Variants in IL23R observed in about 807,000 individuals in gnomAD.
The protein encoded by IL23R is interleukin 23 receptor, also known as interleukin-23 receptor.
In IL23R, 34 loss-of-function variants were observed where a neutral mutation model predicts 56.9. The ratio of observed to expected loss-of-function variants is 0.60; its 90% CI spans 0.45 to 0.80. The LOEUF is 0.80. Ranked by LOEUF, IL23R falls within the 30% of genes least tolerant of loss-of-function variation. The pLI, the probability that IL23R is intolerant of heterozygous loss-of-function variation, is 0.00. For missense variants in IL23R, 635 were observed against 730.0 expected (o/e 0.87, Z 1.50); for synonymous variants, 230 against 249.2 (o/e 0.92, Z 0.73).
chr1:67,170,458 A>G (rs1221661776), intron 3 of IL23R, among the ~76,000 whole-genome samples: 1 of 152,142 alleles, frequency 6.6e-6, no homozygotes, highest in Non-Finnish European at 1.5e-5. Flanking sequence ...TTATTAATTT[A>G]TTTAAAAGCT....
intron 8 of IL23R, among the ~76,000 whole-genome samples, chr1:67,238,763 C>T (rs1651661559): frequency 6.6e-6 from 1 of 152,154 alleles, no homozygotes; most frequent in South Asian, 2.1e-4. Flanking sequence ...CTAATTAATG[C>T]CCAAGGGTGT....
intron 7 of IL23R, among the ~76,000 whole-genome samples, chr1:67,221,028 T>G (rs1278103873): frequency 6.6e-6 from 1 of 151,352 alleles, no homozygotes; most frequent in African/African-American, 2.4e-5. Context: ...GAACTTGTTT[T>G]GAAAAATATT....
Position 67,259,437 on chromosome 1 carries a change from C to A in IL23R, c.*309C>A, listed in dbSNP as rs10889677. On this transcript the variant is annotated 3_prime_UTR_variant, in exon 11 of 11. Transcript: ENST00000347310. ...TTTAATTTTAGCCATTCTTCTGCCT[C>A]ATTTCTTAAAATTAGAGAATTAAGG... 0.33 allele frequency: 117,361 copies of A among 360,760 alleles called. 22,575 individuals are homozygous for A. The highest frequency in any genetic ancestry group is 0.71 in the East Asian group (11,235 of 15,736). 22.3% of individuals were successfully genotyped at this position (360,760 alleles called of 1,614,324 possible). A position where few individuals can be genotyped will look rare whatever the true frequency, so the allele number is the denominator to read the frequency against.
At chr1:67,196,939 A>C (rs10489630) in intron 4 of IL23R, among the ~76,000 whole-genome samples, 62,715 of 152,072 alleles carry the variant, frequency 0.41, 13,139 homozygotes, top group Admixed American at 0.52. Flanking sequence ...TTTAGTTGTC[A>C]GTTTTCTATA....
intron 4 of IL23R, among the ~76,000 whole-genome samples, chr1:67,184,132 G>T (rs143731611): frequency 2.2e-4 from 34 of 152,246 alleles, no homozygotes; most frequent in African/African-American, 8.2e-4. Flanking sequence ...TACTCAGGAG[G>T]CTGAAGCAGG....
chr1:67,255,680 C>T (rs761378941), intron 9 of IL23R, among the ~76,000 whole-genome samples, 157 bp from the exon 10 acceptor site: 1 of 152,122 alleles, frequency 6.6e-6, no homozygotes, highest in Non-Finnish European at 1.5e-5. Context: ...CTCAAGCAAT[C>T]CTCCCACCTC....
intron 7 of IL23R, among the ~76,000 whole-genome samples, chr1:67,223,764 G>A (rs1650445437): frequency 6.6e-6 from 1 of 151,940 alleles, no homozygotes. Context: ...TGGCTGCACG[G>A]CATTCTCGTT....
rs372474909 is a variant in IL23R, at chr1:67,195,754, CT to C, written c.492-4981del. ...CAGCCTTAGAGAGATTCCTTGACCA[CT>C]TGCTGAGGTTGTCTTGTTCTGATAG... On this transcript the variant is annotated intron_variant, in intron 4 of 10. Coordinates refer to ENST00000347310, the MANE Select transcript of IL23R (RefSeq NM_144701.3). Among the ~76,000 whole-genome samples the C allele has an allele frequency of 1.4e-3, 206 of 152,258 alleles. 2 individuals are homozygous for C. Among genetic ancestry groups the C allele is most frequent in the Middle Eastern group, 0.01 (3 of 294 alleles).
intron 9 of IL23R, among the ~76,000 whole-genome samples, chr1:67,250,742 C>A (rs975991534): frequency 2.4e-4 from 37 of 152,096 alleles, no homozygotes; most frequent in Non-Finnish European, 4.6e-4. Context: ...ATATGAACAT[C>A]ACACACACAA....
At chr1:67,232,594 T>G (rs1651171089) in intron 7 of IL23R, among the ~76,000 whole-genome samples, 1 of 152,218 alleles carries the variant, frequency 6.6e-6, no homozygotes, top group Admixed American at 6.5e-5. Context: ...TGTTTCCTTA[T>G]CCGTATAATG....
At chr1:67,184,093 G>A (rs1302692700) in intron 4 of IL23R, among the ~76,000 whole-genome samples, 1 of 151,750 alleles carries the variant, frequency 6.6e-6, no homozygotes, top group Non-Finnish European at 1.5e-5. Context: ...AATTAGCTGG[G>A]CGTGGTGGTG....
chr1:67,210,835 T>A (rs1649420510), intron 6 of IL23R, among the ~76,000 whole-genome samples: 1 of 152,136 alleles, frequency 6.6e-6, no homozygotes, highest in South Asian at 2.1e-4. Context: ...GCGCGTTAAA[T>A]AAAGTGATAT....
chr1:67,140,229 A>T (rs1646623676), intron 1 of IL23R, among the ~76,000 whole-genome samples: 1 of 152,244 alleles, frequency 6.6e-6, no homozygotes, highest in Non-Finnish European at 1.5e-5. Flanking sequence ...CAAAAGCAAA[A>T]TATTTAAAGT....
intron 6 of IL23R, among the ~76,000 whole-genome samples, chr1:67,213,421 G>A (rs1649630777): frequency 6.6e-6 from 1 of 152,146 alleles, no homozygotes; most frequent in Admixed American, 6.5e-5. Context: ...AGTATTGAGG[G>A]TGCTTTTCAG....
chr1:67,258,613 G>A lies in IL23R; in HGVS notation c.1375G>A (p.Glu459Lys). The change falls in exon 11 of 11, where the codon GAG becomes AAG. Residue 459 changes from glutamate (E) to lysine (K), a missense_variant. Glu to Lys is a moderately conservative substitution (Grantham distance 56). Transcript: ENST00000347310. The part of the protein sequence containing the change: ...DYKKENTGPL[E>K]TRDYPQNSLF... ...CAAGAAGGAGAATACAGGACCCCTG[G>A]AGACAAGAGACTACCCGCAAAACTC... 3 of 1,613,770 alleles carry A rather than the reference G, an allele frequency of 1.9e-6. No homozygotes were observed. Among genetic ancestry groups the A allele is most frequent in the Non-Finnish European group, 2.5e-6 (3 of 1,179,912 alleles).
rs1264652668 is a variant in IL23R at position 67,206,961 on chromosome 1, T to A, written c.704T>A (p.Val235Glu). 1.2e-6 allele frequency: 2 copies of A among 1,602,270 alleles called. No individual in the cohort carries two copies. The highest frequency in any genetic ancestry group is 2.2e-5 in the South Asian group (2 of 90,690). ...ISRAETINAT[V>E]PKTIIYWDSQ... ...AGGGCTGAGACTATAAATGCTACAG[T>A]GCCCAAGACCATAATTTATTGGGAT... is the stretch of plus-strand genomic sequence containing the variant. Residue 235 changes from valine to glutamate, a missense_variant, in exon 6 of 11, where the codon GTG (valine) becomes GAG (glutamate). Transcript: ENST00000347310.
chr1:67,236,830 A>C (rs577246311), intron 8 of IL23R, 28 bp downstream of exon 8: 1 of 1,461,260 alleles, frequency 6.8e-7, no homozygotes, highest in African/African-American at 1.4e-5. Context: ...AGGCTTTTTG[A>C]GTAGTCTTTT....
Position 67,258,807 on chromosome 1 carries a change from G to A in IL23R, c.1569G>A (p.Arg523=). 1.9e-6 allele frequency: 3 copies of A among 1,611,662 alleles called. No homozygotes were observed. The highest frequency in any genetic ancestry group is 1.7e-6 in the Non-Finnish European group (2 of 1,178,164). Residue 523 remains arginine, a synonymous_variant, in exon 11 of 11, where the codon AGG becomes AGA. Transcript: ENST00000347310. Reference sequence around the variant, plus strand: ...CCTTAGACTCAGGAAATAATCCCAGGTTACAAAAGCATCCTAATTTTGCTT... The same window carrying A: ...CCTTAGACTCAGGAAATAATCCCAGATTACAAAAGCATCCTAATTTTGCTT... ...VDSLDSGNNP[R]LQKHPNFAFS... is the part of the protein sequence containing the mutation.
chr1:67,223,233 G>A (rs1650417385), intron 7 of IL23R, among the ~76,000 whole-genome samples: 1 of 151,854 alleles, frequency 6.6e-6, no homozygotes, highest in Non-Finnish European at 1.5e-5. Flanking sequence ...CAGCCTGGGT[G>A]ACAGAGCGAG....
Sources: gnomAD v4.1 joint callset for allele counts (sites outside exome capture counted in the v4.1 genomes callset) on GRCh38, gnomAD v4.1.1 for gene constraint, MANE v1.5 for transcripts, NCBI Gene and HGNC (gene_info 2026-07-23, HGNC 2026-07-21) for gene names.